Variants in SYT1 observed in about 807,000 individuals in gnomAD.
SYT1 encodes synaptotagmin 1, also known as synaptotagmin-1.
Under a neutral mutation model 44.8 loss-of-function variants are expected in SYT1, and 8 were observed. That is an observed-to-expected ratio of 0.18 (90% confidence interval 0.10 to 0.32). The LOEUF (loss-of-function observed/expected upper bound fraction) is 0.32, where lower values mean the gene tolerates loss of function less well. Among genes scored for constraint, SYT1 ranks in the 10% least tolerant of loss-of-function variants. The pLI, the probability that SYT1 is intolerant of heterozygous loss-of-function variation, is 1.00. For synonymous variants in SYT1, 154 were observed against 188.8 expected (o/e 0.82, Z 1.51); for missense variants, 286 against 509.3 (o/e 0.56, Z 4.22).
intron 3 of SYT1, among the ~76,000 whole-genome samples, chr12:79,134,942 T>C (rs1243994075): frequency 1.3e-5 from 2 of 151,946 alleles, no homozygotes; most frequent in African/African-American, 2.4e-5. Context: ...TATTGTATTG[T>C]ACACTTGAAA....
chr12:79,090,059 CTA>C (rs929424264), intron 3 of SYT1, among the ~76,000 whole-genome samples: 5 of 151,868 alleles, frequency 3.3e-5, no homozygotes, highest in Non-Finnish European at 5.9e-5. Context: ...TAGCCTAAAA[CTA>C]TGTCTACTTT....
chr12:79,025,311 A>G (rs1872458955), intron 2 of SYT1, among the ~76,000 whole-genome samples: 1 of 151,722 alleles, frequency 6.6e-6, no homozygotes, highest in Non-Finnish European at 1.5e-5. Context: ...ATTTCCCCTA[A>G]GCTGACTTTA....
intron 3 of SYT1, among the ~76,000 whole-genome samples, chr12:79,147,135 G>A (rs974886289): frequency 1.3e-5 from 2 of 152,038 alleles, no homozygotes; most frequent in Non-Finnish European, 2.9e-5. Flanking sequence ...CACCGTGCCC[G>A]GCCAGCATAT....
intron 9 of SYT1, among the ~76,000 whole-genome samples, chr12:79,357,793 A>G (rs1883169573): frequency 6.6e-6 from 1 of 152,164 alleles, no homozygotes. Flanking sequence ...CCTCTTAAAC[A>G]TGTCTCAATA....
intron 8 of SYT1, among the ~76,000 whole-genome samples, chr12:79,318,423 A>G (rs1048397149): frequency 5.3e-5 from 8 of 152,346 alleles, no homozygotes; most frequent in Non-Finnish European, 1.0e-4. Context: ...AGCCTTCTAC[A>G]TCAATATTTC....
intron 1 of SYT1, among the ~76,000 whole-genome samples, chr12:78,947,793 T>C (rs1014324369): frequency 2.0e-5 from 3 of 151,658 alleles, no homozygotes; most frequent in Admixed American, 2.0e-4. Flanking sequence ...CAGGAGGGAT[T>C]GTTTAAAAAA....
chr12:78,898,401 C>T (rs1875478654), intron 1 of SYT1, among the ~76,000 whole-genome samples: 1 of 152,056 alleles, frequency 6.6e-6, no homozygotes, highest in African/African-American at 2.4e-5. Flanking sequence ...GGTGCTTGAA[C>T]ATTTACTTTC....
intron 1 of SYT1, among the ~76,000 whole-genome samples, chr12:78,897,036 C>G (rs1875400949): frequency 6.6e-6 from 1 of 151,716 alleles, no homozygotes; most frequent in African/African-American, 2.4e-5. Context: ...AAGTGTATGA[C>G]AATGTCAATA....
At chr12:78,973,734 T>G (rs2137400688) in intron 1 of SYT1, among the ~76,000 whole-genome samples, 1 of 151,536 alleles carries the variant, frequency 6.6e-6, no homozygotes, top group East Asian at 1.9e-4. Context: ...CCTAACATCT[T>G]GGAGACAATT....
At chr12:78,898,331 C>A (rs1198372108) in intron 1 of SYT1, among the ~76,000 whole-genome samples, 1 of 151,938 alleles carries the variant, frequency 6.6e-6, no homozygotes, top group Non-Finnish European at 1.5e-5. Context: ...TGTCCCTATA[C>A]CATGCCAAAA....
intron 3 of SYT1, among the ~76,000 whole-genome samples, chr12:79,097,796 G>C (rs1030430140): frequency 6.6e-6 from 1 of 151,980 alleles, no homozygotes; most frequent in African/African-American, 2.4e-5. Flanking sequence ...AAACTTTCAA[G>C]TATCCTGCTT....
intron 4 of SYT1, among the ~76,000 whole-genome samples, chr12:79,251,535 G>A (rs529206922): frequency 6.6e-6 from 1 of 152,276 alleles, no homozygotes; most frequent in East Asian, 1.9e-4. Context: ...CCCATAAAGA[G>A]TAAGTTGGTG....
chr12:78,931,468 A>C (rs183600049), intron 1 of SYT1, among the ~76,000 whole-genome samples: 1 of 151,956 alleles, frequency 6.6e-6, no homozygotes, highest in Non-Finnish European at 1.5e-5. Flanking sequence ...AGAAAGAAAA[A>C]GAAAGAAAGA....
intron 3 of SYT1, among the ~76,000 whole-genome samples, chr12:79,123,550 A>G (rs78268266): frequency 0.024 from 3,653 of 152,282 alleles, 117 homozygotes; most frequent in South Asian, 0.11. Flanking sequence ...ACAGCGCTGC[A>G]TTCTTGTATT....
intron 3 of SYT1, among the ~76,000 whole-genome samples, chr12:79,056,778 T>G (rs554878321): frequency 6.6e-6 from 1 of 152,190 alleles, no homozygotes; most frequent in Admixed American, 6.6e-5. Flanking sequence ...GCATTATTCT[T>G]TTACCAAAGA....
In SYT1 at chr12:79,217,379, T is replaced by C. The variant is rs1035755853; in HGVS notation, c.-17-124T>C. 4 of 742,906 alleles carry C rather than the reference T, an allele frequency of 5.4e-6. No individual in the cohort carries two copies. In the African/African-American group the frequency reaches 7.3e-5, roughly 14 times the overall value. 46.0% of individuals were successfully genotyped at this position (742,906 alleles called of 1,614,324 possible). A position where few individuals can be genotyped will look rare whatever the true frequency, so the allele number is the denominator to read the frequency against. On this transcript the variant is annotated intron_variant, in intron 3 of 10. Coordinates refer to ENST00000261205, the MANE Select transcript of SYT1 (RefSeq NM_005639.3). ...TTACCAACACAAAGCAATATGCTAA[T>C]GATGGACTATTTACCCAGTGAGCAG...
chr12:79,112,220 A>G (rs935727084), intron 3 of SYT1, among the ~76,000 whole-genome samples: 3 of 152,064 alleles, frequency 2.0e-5, no homozygotes, highest in Non-Finnish European at 2.9e-5. Context: ...ACTCATGGGT[A>G]TGGTAGAATC....
intron 4 of SYT1, among the ~76,000 whole-genome samples, chr12:79,249,246 A>C (rs910194627): frequency 1.3e-5 from 2 of 150,928 alleles, no homozygotes; most frequent in Admixed American, 1.3e-4. Flanking sequence ...CTGGGACTAC[A>C]GGCGCCCGCC....
intron 2 of SYT1, among the ~76,000 whole-genome samples, chr12:78,988,060 G>A (rs745810896): frequency 4.6e-5 from 7 of 151,922 alleles, no homozygotes; most frequent in Non-Finnish European, 7.4e-5. Flanking sequence ...TTGATTCTAC[G>A]TGGTCAAGAA....
Sources: gnomAD v4.1 joint callset for allele counts (sites outside exome capture counted in the v4.1 genomes callset) on GRCh38, gnomAD v4.1.1 for gene constraint, MANE v1.5 for transcripts, NCBI Gene and HGNC (gene_info 2026-07-23, HGNC 2026-07-21) for gene names.